POP1: variants seen among roughly 807,000 people sequenced by gnomAD.
The protein encoded by POP1 is POP1 ribonuclease P/MRP subunit.
In POP1, 75 loss-of-function variants were observed where a neutral mutation model predicts 102.2. The ratio of observed to expected loss-of-function variants is 0.73; its 90% CI spans 0.61 to 0.89. The LOEUF is 0.89. Ranked by LOEUF, POP1 falls within the 40% of genes least tolerant of loss-of-function variation. The probability of loss-of-function intolerance (pLI) is 0.00; values close to 1 mark genes in which losing one functional copy is unlikely to be tolerated. For synonymous variants in POP1, 436 were observed against 464.1 expected (o/e 0.94, Z 0.78); for missense variants, 1,116 against 1,267.4 (o/e 0.88, Z 1.81).
intron 2 of POP1, among the ~76,000 whole-genome samples, chr8:98,124,682 CTACTA>C (rs1816143666): frequency 6.6e-6 from 1 of 152,154 alleles, no homozygotes; most frequent in South Asian, 2.1e-4. Context: ...TGAAACATGA[CTACTA>C]TAAATAATGA....
In POP1 at chr8:98,148,834, G is replaced by A. The variant is rs1255263189; in HGVS notation, c.1730G>A (p.Ser577Asn). 3 of 1,613,304 alleles carry A rather than the reference G, an allele frequency of 1.9e-6. No individual in the cohort carries two copies. The African/African-American group carries it at 4.0e-5, about 22-fold the overall frequency. The change falls in exon 13 of 16, where the codon AGT becomes AAT. Residue 577 changes from serine (S) to asparagine (N), a missense_variant. Ser to Asn is a conservative substitution (Grantham distance 46). Coordinates refer to ENST00000401707, the MANE Select transcript of POP1 (RefSeq NM_001145860.2). Reference protein sequence around the residue: ...ISDQDLNRMRSELLVPGSQLI... With the variant: ...ISDQDLNRMRNELLVPGSQLI... ...CTTTAGGATTTAAACCGGATGAGGA[G>A]TGAATTGCTGGTGCCTGGGTCACAG...
rs1055533324 is a variant in POP1, at chr8:98,117,294, TGCGCTCTCCAGC to T, written c.-87_-76del. ...TGGAGGAAGCGCCCGGTCTGGCGCATGCGCTCTCCAGCGCGCTCTCCAGGAGCTTTGGCTCGG... is the reference window on the plus strand; with the variant it reads ...TGGAGGAAGCGCCCGGTCTGGCGCATGCGCTCTCCAGGAGCTTTGGCTCGG... On this transcript the variant is annotated 5_prime_UTR_variant, in exon 1 of 16. Coordinates refer to ENST00000401707, the MANE Select transcript of POP1 (RefSeq NM_001145860.2). 9.2e-5 allele frequency: 56 copies of T among 608,318 alleles called. No homozygotes were observed. Among genetic ancestry groups the T allele is most frequent in the Non-Finnish European group, 1.4e-4 (47 of 344,398 alleles). The allele number at this position is 608,318 out of a possible 1,614,324, so 37.7% of individuals were successfully genotyped here.
chr8:98,130,668 G>C (rs1443177390), intron 5 of POP1, among the ~76,000 whole-genome samples: 2 of 152,210 alleles, frequency 1.3e-5, no homozygotes, highest in Non-Finnish European at 2.9e-5. Context: ...CTAGAGAAAA[G>C]AGTAGGAACC....
chr8:98,154,189 G>A, intron 14 of POP1, among the ~76,000 whole-genome samples: 1 of 152,316 alleles, frequency 6.6e-6, no homozygotes, highest in East Asian at 1.9e-4. Context: ...TGAGATTTGT[G>A]TTTATAAAGG....
chr8:98,135,748 G>C (rs1419940338), intron 7 of POP1, among the ~76,000 whole-genome samples: 1 of 151,622 alleles, frequency 6.6e-6, no homozygotes, highest in Non-Finnish European at 1.5e-5. Flanking sequence ...ATTGAGACTT[G>C]AGTGCAGTGG....
intron 14 of POP1, among the ~76,000 whole-genome samples, 190 bp downstream of exon 14, chr8:98,150,829 T>G (rs1809496606): frequency 6.6e-6 from 1 of 152,238 alleles, no homozygotes. Flanking sequence ...TTGGCTTTTG[T>G]AGGCCCATTT....
chr8:98,136,799 T>C, intron 8 of POP1, 61 bp downstream of exon 8: 1 of 1,607,912 alleles, frequency 6.2e-7, no homozygotes, highest in Non-Finnish European at 8.5e-7. Context: ...GCTCCATTTT[T>C]GTCAGTGGCA....
chr8:98,127,583 A>C lies in POP1; in HGVS notation c.143-12A>C, dbSNP rs377517340. The C allele has an allele frequency of 7.4e-6, 12 of 1,613,970 alleles. No homozygotes were observed. Among genetic ancestry groups the C allele is most frequent in the Non-Finnish European group, 1.0e-5 (12 of 1,179,962 alleles). Reference sequence around the variant, plus strand: ...GATAAAGGTGACATGTTTCTTTTTGAAAATATACTAGAGCCTCATCCTGGA... The same window carrying C: ...GATAAAGGTGACATGTTTCTTTTTGCAAATATACTAGAGCCTCATCCTGGA... On this transcript the variant is annotated splice_polypyrimidine_tract_variant and intron_variant, in intron 2 of 15. Transcript: ENST00000401707.
At chr8:98,133,928 T>G (rs756572075) in intron 5 of POP1, 21 bp from the exon 6 acceptor site, 1 of 1,587,338 alleles carries the variant, frequency 6.3e-7, no homozygotes, top group South Asian at 1.1e-5. Context: ...AGTACTTAAT[T>G]GTGTCTCCCG....
At chr8:98,127,928 C>T (rs1391225330) in intron 3 of POP1, among the ~76,000 whole-genome samples, 166 bp downstream of exon 3, 1 of 152,142 alleles carries the variant, frequency 6.6e-6, no homozygotes, top group Non-Finnish European at 1.5e-5. Context: ...GCCAGAGCTT[C>T]CTTGGGCTTG....
Position 98,130,231 on chromosome 8 carries a change from G to A in POP1, c.735+5G>A, listed in dbSNP as rs1415899396. The A allele has an allele frequency of 3.7e-6, 6 of 1,614,126 alleles. No homozygotes were observed. Among genetic ancestry groups the A allele is most frequent in the Non-Finnish European group, 4.2e-6 (5 of 1,180,014 alleles). On this transcript the variant is annotated splice_donor_5th_base_variant and intron_variant, in intron 5 of 15. Transcript: ENST00000401707. ...ACGAACCGGTGCCTCCTGCAGGTGA[G>A]CTTTTCCAGTGGGCTTTTTTTGTTA...
chr8:98,159,054 G>A lies in POP1; in HGVS notation c.*783G>A, dbSNP rs772050521. ...TGATATGTGTCACCTAAAAAAGTAA[G>A]AGATTCCAAGGTCAGGTTGATATGG... On this transcript the variant is annotated 3_prime_UTR_variant, in exon 16 of 16. Transcript: ENST00000401707. 4 of 152,136 alleles carry A rather than the reference G, an allele frequency of 2.6e-5. No individual in the cohort carries two copies. The highest frequency in any genetic ancestry group is 5.9e-5 in the Non-Finnish European group (4 of 68,030). The allele number at this position is 152,136 out of a possible 1,614,324, so 9.4% of individuals were successfully genotyped here. A position where few individuals can be genotyped will look rare whatever the true frequency, so the allele number is the denominator to read the frequency against.
At chr8:98,128,299 A>C in intron 3 of POP1, 66 bp from the exon 4 acceptor site, 1 of 1,503,702 alleles carries the variant, frequency 6.7e-7, no homozygotes, top group East Asian at 2.3e-5. Context: ...TTTCCCCAGC[A>C]GCCTGTTTAT....
intron 11 of POP1, among the ~76,000 whole-genome samples, chr8:98,144,357 C>T (rs1189719154): frequency 6.6e-6 from 1 of 152,022 alleles, no homozygotes; most frequent in Non-Finnish European, 1.5e-5. Context: ...CTCACTGCAG[C>T]CTTGAACTCC....
intron 1 of POP1, among the ~76,000 whole-genome samples, chr8:98,122,734 G>A (rs770760408): frequency 1.3e-5 from 2 of 152,068 alleles, no homozygotes; most frequent in Admixed American, 6.5e-5. Context: ...CTATTGTAGG[G>A]TATGTCTCGA....
intron 11 of POP1, among the ~76,000 whole-genome samples, chr8:98,143,862 C>T (rs950720690): frequency 6.6e-6 from 1 of 152,120 alleles, no homozygotes; most frequent in African/African-American, 2.4e-5. Flanking sequence ...ACTTAAATTT[C>T]CTCTATGTAG....
intron 5 of POP1, among the ~76,000 whole-genome samples, chr8:98,132,589 T>G (rs1028426269): frequency 6.6e-6 from 1 of 152,198 alleles, no homozygotes; most frequent in African/African-American, 2.4e-5. Context: ...TCACTGAGCC[T>G]GATTAGAATG....
chr8:98,150,491 C>A lies in POP1; in HGVS notation c.1909C>A (p.Arg637=), dbSNP rs750817485. ...TTTTTGACATTTCTTTTAGATTTAT[C>A]GAGGTGTGAGAGTCGGAGGGTTGAA... The part of the protein sequence containing the change: ...GMAFWIPFIY[R]GVRVGGLKES... The change falls in exon 14 of 16, where the codon CGA becomes AGA. Residue 637 remains arginine (R), a synonymous_variant. Coordinates refer to ENST00000401707, the MANE Select transcript of POP1 (RefSeq NM_001145860.2). 2 of 1,613,732 alleles carry A rather than the reference C, an allele frequency of 1.2e-6. No individual in the cohort carries two copies. The highest frequency in any genetic ancestry group is 2.7e-5 in the African/African-American group (2 of 74,894).
intron 13 of POP1, among the ~76,000 whole-genome samples, chr8:98,150,008 G>A (rs1809476669): frequency 6.6e-6 from 1 of 152,150 alleles, no homozygotes; most frequent in South Asian, 2.1e-4. Context: ...GTGAATGCCT[G>A]TGTGCCATTT....
Sources: gnomAD v4.1 joint callset for allele counts (sites outside exome capture counted in the v4.1 genomes callset) on GRCh38, gnomAD v4.1.1 for gene constraint, MANE v1.5 for transcripts, NCBI Gene and HGNC (gene_info 2026-07-23, HGNC 2026-07-21) for gene names.